The following MYO5B variants were observed in gnomAD, a reference collection of about 807,000 sequenced individuals.
The protein encoded by MYO5B is unconventional myosin-Vb.
A neutral mutation model predicts 229.3 loss-of-function variants in MYO5B; 143 were observed. The observed-to-expected ratio is 0.62, with a 90% CI of 0.54 to 0.72. The LOEUF is 0.72. Ranked by LOEUF, MYO5B falls within the 30% of genes least tolerant of loss-of-function variation. The probability of loss-of-function intolerance (pLI) is 0.00; values close to 1 mark genes in which losing one functional copy is unlikely to be tolerated. For synonymous variants in MYO5B, 918 were observed against 885.2 expected, an observed-to-expected ratio of 1.04 and a Z score of -0.66; for missense variants, 2,321 against 2,331.0, an observed-to-expected ratio of 1.00 and a Z score of 0.09.
chr18:49,916,702 G>C (rs1404504390), intron 17 of MYO5B, among the ~76,000 whole-genome samples: 2 of 152,000 alleles, frequency 1.3e-5, no homozygotes, highest in Non-Finnish European at 2.9e-5. Flanking sequence ...CGTGAGGGTG[G>C]GGACACCCTC....
chr18:50,116,592 C>G (rs1482306620), intron 1 of MYO5B, among the ~76,000 whole-genome samples: 5 of 152,134 alleles, frequency 3.3e-5, no homozygotes, highest in Admixed American at 6.5e-5. Context: ...TCAATTAACC[C>G]AATGGGACAC....
intron 22 of MYO5B, among the ~76,000 whole-genome samples, chr18:49,888,671 T>C (rs952314928): frequency 2.6e-5 from 4 of 152,210 alleles, no homozygotes; most frequent in Non-Finnish European, 5.9e-5. Flanking sequence ...TGAACTCCTC[T>C]TATTCTCCTA....
At chr18:50,132,831 G>C (rs1373844940) in intron 1 of MYO5B, among the ~76,000 whole-genome samples, 1 of 152,160 alleles carries the variant, frequency 6.6e-6, no homozygotes, top group African/African-American at 2.4e-5. Context: ...AGTTCTATAA[G>C]GAAATACCTT....
intron 14 of MYO5B, among the ~76,000 whole-genome samples, chr18:49,938,701 C>G (rs1187152531): frequency 3.3e-5 from 5 of 152,184 alleles, no homozygotes; most frequent in Middle Eastern, 3.2e-3. Context: ...CAGACAATAC[C>G]TTGCAAAACC....
chr18:49,932,337 G>T (rs796710995), intron 16 of MYO5B, among the ~76,000 whole-genome samples: 4 of 152,174 alleles, frequency 2.6e-5, no homozygotes, highest in Non-Finnish European at 5.9e-5. Context: ...TTCTCTTAGA[G>T]TCTCCACACA....
chr18:50,015,704 C>G (rs936518392), intron 4 of MYO5B, among the ~76,000 whole-genome samples: 1 of 152,158 alleles, frequency 6.6e-6, no homozygotes, highest in Non-Finnish European at 1.5e-5. Context: ...TATCTCATCC[C>G]AATACAGCTT....
At chr18:49,933,886 AT>A (rs2025221136) in intron 16 of MYO5B, among the ~76,000 whole-genome samples, 1 of 152,080 alleles carries the variant, frequency 6.6e-6, no homozygotes, top group South Asian at 2.1e-4. Flanking sequence ...ACTTATTTTT[AT>A]TTTTTTGAGA....
chr18:49,853,375 A>C, intron 31 of MYO5B, 74 bp downstream of exon 31: 1 of 1,545,016 alleles, frequency 6.5e-7, no homozygotes, highest in Non-Finnish European at 8.9e-7. Context: ...AGTTTTGCCA[A>C]AGGCAACCCC....
chr18:49,974,277 C>G (rs1202200793), intron 10 of MYO5B, 73 bp downstream of exon 10: 2 of 1,604,492 alleles, frequency 1.2e-6, no homozygotes, highest in Non-Finnish European at 1.7e-6. Context: ...CTCCAATGCC[C>G]CTGCTGGCTG....
intron 1 of MYO5B, among the ~76,000 whole-genome samples, chr18:50,142,265 C>T (rs747600688): frequency 1.3e-5 from 2 of 152,162 alleles, no homozygotes; most frequent in Non-Finnish European, 2.9e-5. Flanking sequence ...GTACTGGTTA[C>T]CATGGCAGGC....
chr18:49,987,963 T>C (rs1358351926), intron 7 of MYO5B, among the ~76,000 whole-genome samples: 1 of 152,146 alleles, frequency 6.6e-6, no homozygotes, highest in East Asian at 1.9e-4. Flanking sequence ...TATTCACACC[T>C]TAACAAATTA....
At chr18:49,884,789 C>T (rs2024625311) in intron 22 of MYO5B, among the ~76,000 whole-genome samples, 1 of 152,046 alleles carries the variant, frequency 6.6e-6, no homozygotes, top group Non-Finnish European at 1.5e-5. Context: ...ACTTGCAACT[C>T]AACAATAAAA....
chr18:50,115,854 AT>A (rs1203935367), intron 1 of MYO5B, among the ~76,000 whole-genome samples: 4 of 152,106 alleles, frequency 2.6e-5, no homozygotes, highest in East Asian at 1.9e-4. Context: ...AAAGTTCTGG[AT>A]TTTTTTCATT....
intron 31 of MYO5B, among the ~76,000 whole-genome samples, chr18:49,853,221 C>T (rs1161556714): frequency 6.6e-6 from 1 of 152,214 alleles, no homozygotes; most frequent in African/African-American, 2.4e-5. Context: ...AGCAAGAAGG[C>T]AGGTGACGCC....
Position 50,145,497 on chromosome 18 carries a change from C to CAAAA in MYO5B, c.27+49266_27+49269dup, listed in dbSNP as rs369507800. ...TGGGCAACAGAGCAAGACTCCATCTCAAAAAAAAAAAAAAAAAAAAAAAAA... is the reference window on the plus strand; with the variant it reads ...TGGGCAACAGAGCAAGACTCCATCTCAAAAAAAAAAAAAAAAAAAAAAAAAAAAA... On this transcript the variant is annotated intron_variant, in intron 1 of 39. Transcript: ENST00000285039. 8.7e-4 allele frequency among the ~76,000 whole-genome samples: 61 copies of CAAAA among 70,006 alleles called. 2 individuals are homozygous for CAAAA. Among genetic ancestry groups the CAAAA allele is most frequent in the African/African-American group, 3.4e-3 (58 of 17,260 alleles). 45.9% of individuals were successfully genotyped at this position (70,006 alleles called of 152,430 possible).
intron 20 of MYO5B, 83 bp from the exon 21 acceptor site, chr18:49,902,916 G>T (rs972932584): frequency 2.6e-6 from 4 of 1,545,198 alleles, no homozygotes; most frequent in Non-Finnish European, 3.5e-6. Context: ...GCCTGTGGAG[G>T]GAAGAGGCCA....
chr18:50,089,097 T>C (rs1335555482), intron 1 of MYO5B, among the ~76,000 whole-genome samples: 4 of 152,160 alleles, frequency 2.6e-5, no homozygotes, highest in Non-Finnish European at 5.9e-5. Flanking sequence ...TATAGGAACC[T>C]GGCCAGGCAC....
chr18:49,863,350 A>C (rs373642497), intron 28 of MYO5B, 23 bp from the exon 29 acceptor site: 115 of 1,604,042 alleles, frequency 7.2e-5, no homozygotes, highest in Non-Finnish European at 9.5e-5. Flanking sequence ...AGATAAAAAA[A>C]TAACTCTGGT....
At chr18:49,971,987 G>A (rs939421233) in intron 10 of MYO5B, among the ~76,000 whole-genome samples, 1 of 152,164 alleles carries the variant, frequency 6.6e-6, no homozygotes, top group Admixed American at 6.5e-5. Context: ...CAAAGGGTAG[G>A]AAAATTCCCA....
Sources: allele counts gnomAD v4.1 joint callset (sites outside exome capture counted in the v4.1 genomes callset), GRCh38; gene constraint gnomAD v4.1.1; transcripts MANE v1.5; gene names NCBI Gene and HGNC (gene_info 2026-07-23, HGNC 2026-07-21).